TRAPPC5: variants seen among roughly 807,000 people sequenced by gnomAD.
The protein encoded by TRAPPC5 is trafficking protein particle complex 5.
TRAPPC5 carries 5 observed loss-of-function variants against 9.8 expected under a neutral mutation model. The ratio of observed to expected loss-of-function variants is 0.51; its 90% CI spans 0.27 to 1.07. The LOEUF (loss-of-function observed/expected upper bound fraction) is 1.07. TRAPPC5 is among the 50% of genes least tolerant of loss of function. The probability of loss-of-function intolerance (pLI) is 0.12; values close to 1 mark genes in which losing one functional copy is unlikely to be tolerated. For missense variants in TRAPPC5, 243 were observed against 291.5 expected, an observed-to-expected ratio of 0.83 and a Z score of 1.21; for synonymous variants, 146 against 140.7, an observed-to-expected ratio of 1.04 and a Z score of -0.26.
rs910620107 is a variant in TRAPPC5, at chr19:7,687,477, A to G, written c.*4657A>G. On this transcript the variant is annotated 3_prime_UTR_variant, in exon 2 of 2. Transcript: ENST00000596148. ...AAATGGCCTCCGGTTGACCGGGCCCACTCCCCATCAGCCTGTCCAGCCAGC... is the reference window on the plus strand; with the variant it reads ...AAATGGCCTCCGGTTGACCGGGCCCGCTCCCCATCAGCCTGTCCAGCCAGC... 5 of 152,192 alleles carry G rather than the reference A, an allele frequency of 3.3e-5. No individual in the cohort carries two copies. Among genetic ancestry groups the G allele is most frequent in the African/African-American group, 1.2e-4 (5 of 41,306 alleles). The allele number at this position is 152,192 out of a possible 1,614,324, so 9.4% of individuals were successfully genotyped here. A position where few individuals can be genotyped will look rare whatever the true frequency, so the allele number is the denominator to read the frequency against.
rs1291665456 is a variant in TRAPPC5, at chr19:7,682,245, G to A, written c.-9G>A. 7.2e-7 allele frequency: 1 copy of A among 1,390,018 alleles called. No homozygotes were observed. The highest frequency in any genetic ancestry group is 9.3e-7 in the Non-Finnish European group (1 of 1,079,164). 86.1% of individuals were successfully genotyped at this position (1,390,018 alleles called of 1,614,324 possible). Reference sequence around the variant, plus strand: ...GCACTTCCTGGTCTCCCCGCAGGGTGGCGGCGGCATGGAGGCGCGCTTCAC... The same window carrying A: ...GCACTTCCTGGTCTCCCCGCAGGGTAGCGGCGGCATGGAGGCGCGCTTCAC... On this transcript the variant is annotated 5_prime_UTR_variant, in exon 2 of 2. Transcript: ENST00000596148. This position sits in a 1 kb window ranked among gnomAD's most constrained non-coding sequence, Gnocchi z 8.6.
In TRAPPC5 at chr19:7,683,490, G is replaced by A. The variant is rs570192090; in HGVS notation, c.*670G>A. Reference sequence around the variant, plus strand: ...CCACTTCAGCCTCCCAAAGTGCTGGGATTACAGGCGTGAGCCACTGCTGTG... The same window carrying A: ...CCACTTCAGCCTCCCAAAGTGCTGGAATTACAGGCGTGAGCCACTGCTGTG... On this transcript the variant is annotated 3_prime_UTR_variant, in exon 2 of 2. Coordinates refer to ENST00000596148, the MANE Select transcript of TRAPPC5 (RefSeq NM_001042462.2). The A allele has an allele frequency of 2.0e-5, 3 of 152,652 alleles. No individual in the cohort carries two copies. The highest frequency in any genetic ancestry group is 7.2e-5 in the African/African-American group (3 of 41,542). 9.5% of individuals were successfully genotyped at this position (152,652 alleles called of 1,614,324 possible).
In TRAPPC5 at chr19:7,682,591, G is replaced by A. The variant is rs774090407; in HGVS notation, c.338G>A (p.Arg113His). The change falls in exon 2 of 2, where the codon CGC (arginine) becomes CAC (histidine). Residue 113 changes from arginine to histidine, a missense_variant. Physicochemically the swap from Arg to His is conservative, Grantham distance 29. This residue lies in a region of TRAPPC5 where 154 missense variants were observed against 215.8 expected (regional missense o/e 0.71). Transcript: ENST00000596148. The surrounding 1 kb of genome is among the most constrained non-coding windows in gnomAD (Gnocchi z 8.6). ...CTGGAGCAGGCCAACGATGACGCGC[G>A]CACCTTCTACATCATCGAGCGCGAG... ...DKLEQANDDA[R>H]TFYIIEREPL... 4.3e-6 allele frequency: 7 copies of A among 1,612,322 alleles called. No homozygotes were observed. The South Asian group carries it at 5.5e-5, about 13-fold the overall frequency.
rs1426108454 is a variant in TRAPPC5 at position 7,686,006 on chromosome 19, A to AGGTCCTCT, written c.*3188_*3195dup. ...CGCTTTGGGCTAAGCAGCCCCAGGC[A>AGGTCCTCT]GGTCCTCTGAGACCCTGGCGAGAGG... On this transcript the variant is annotated 3_prime_UTR_variant, in exon 2 of 2. Transcript: ENST00000596148. The AGGTCCTCT allele has an allele frequency of 6.6e-6, 1 of 152,324 alleles. No individual in the cohort carries two copies. The highest frequency in any genetic ancestry group is 1.5e-5 in the Non-Finnish European group (1 of 68,148). The allele number at this position is 152,324 out of a possible 1,614,324, so 9.4% of individuals were successfully genotyped here.
rs2146258705 is a variant in TRAPPC5, at chr19:7,682,506, G to A, written c.253G>A (p.Ala85Thr). 2 of 1,613,130 alleles carry A rather than the reference G, an allele frequency of 1.2e-6. No individual in the cohort carries two copies. The highest frequency in any genetic ancestry group is 1.7e-6 in the Non-Finnish European group (2 of 1,179,946). ...GARRETKVLGALLFVKGAVWK... is the reference protein window; with the variant it reads ...GARRETKVLGTLLFVKGAVWK... ...CCGGCGTGAGACCAAGGTGCTAGGC[G>A]CGTTGCTCTTCGTCAAGGGCGCCGT... is the stretch of plus-strand genomic sequence containing the variant. Residue 85 changes from alanine to threonine, a missense_variant, in exon 2 of 2, where the codon GCG (alanine) becomes ACG (threonine). By Grantham distance (58) the Ala-to-Thr change is moderately conservative (BLOSUM62 0). Coordinates refer to ENST00000596148, the MANE Select transcript of TRAPPC5 (RefSeq NM_001042462.2). The surrounding 1 kb of genome is among the most constrained non-coding windows in gnomAD (Gnocchi z 8.6).
Position 7,682,610 on chromosome 19 carries a change from G to C in TRAPPC5, c.357G>C (p.Glu119Asp). Residue 119 changes from glutamate to aspartate, a missense_variant, in exon 2 of 2, where the codon GAG (glutamate) becomes GAC (aspartate). Physicochemically the swap from Glu to Asp is conservative, Grantham distance 45 (BLOSUM62 2). This residue lies in a region of TRAPPC5 where 154 missense variants were observed against 215.8 expected (regional missense o/e 0.71). Transcript: ENST00000596148. The surrounding 1 kb of genome is among the most constrained non-coding windows in gnomAD (Gnocchi z 8.6). ...ACGCGCGCACCTTCTACATCATCGA[G>C]CGCGAGCCGCTCATCAACACCTACA... The part of the protein sequence containing the change: ...NDDARTFYII[E>D]REPLINTYIS... 6.2e-7 allele frequency: 1 copy of C among 1,612,972 alleles called. No homozygotes were observed. The highest frequency in any genetic ancestry group is 1.1e-5 in the South Asian group (1 of 91,092).
In TRAPPC5 at chr19:7,682,486, G is replaced by A; in HGVS notation, c.233G>A (p.Arg78His). 1 of 1,611,992 alleles carries A rather than the reference G, an allele frequency of 6.2e-7. No individual in the cohort carries two copies. The highest frequency in any genetic ancestry group is 8.5e-7 in the Non-Finnish European group (1 of 1,179,302). ...ALVAREKGAR[R>H]ETKVLGALLF... is the part of the protein sequence containing the mutation. ...GTGGCGCGCGAAAAGGGTGCCCGGC[G>A]TGAGACCAAGGTGCTAGGCGCGTTG... Residue 78 changes from arginine (R) to histidine (H), a missense_variant, in exon 2 of 2, where the codon CGT becomes CAT. Transcript: ENST00000596148. This position sits in a 1 kb window ranked among gnomAD's most constrained non-coding sequence, Gnocchi z 8.6.
chr19:7,683,070 C>G lies in TRAPPC5; in HGVS notation c.*250C>G, dbSNP rs970044934. The G allele has an allele frequency of 3.9e-5, 21 of 540,366 alleles. No homozygotes were observed. The highest frequency in any genetic ancestry group is 4.9e-4 in the Middle Eastern group (1 of 2,060). 33.5% of individuals were successfully genotyped at this position (540,366 alleles called of 1,614,324 possible). ...AGTTGGTGGGAAATGCTGGCAGGTTCTGGAATCACGGTTGGAGGCTGTCTG... is the reference window on the plus strand; with the variant it reads ...AGTTGGTGGGAAATGCTGGCAGGTTGTGGAATCACGGTTGGAGGCTGTCTG... On this transcript the variant is annotated 3_prime_UTR_variant, in exon 2 of 2. Transcript: ENST00000596148.
chr19:7,682,460 G>T lies in TRAPPC5; in HGVS notation c.207G>T (p.Leu69=). 2 of 1,609,558 alleles carry T rather than the reference G, an allele frequency of 1.2e-6. No individual in the cohort carries two copies. Among genetic ancestry groups the T allele is most frequent in the Non-Finnish European group, 1.7e-6 (2 of 1,178,146 alleles). Reference sequence around the variant, plus strand: ...TGGGCGCGCGCGTGCTGGATGCGCTGGTGGCGCGCGAAAAGGGTGCCCGGC... The same window carrying T: ...TGGGCGCGCGCGTGCTGGATGCGCTTGTGGCGCGCGAAAAGGGTGCCCGGC... ...RQVGARVLDA[L]VAREKGARRE... is the part of the protein sequence containing the mutation. Residue 69 remains leucine, a synonymous_variant, in exon 2 of 2, where the codon CTG becomes CTT. Transcript: ENST00000596148. This position sits in a 1 kb window ranked among gnomAD's most constrained non-coding sequence, Gnocchi z 8.6.
chr19:7,682,539 G>A lies in TRAPPC5; in HGVS notation c.286G>A (p.Ala96Thr), dbSNP rs1288740261. 3 of 1,612,978 alleles carry A rather than the reference G, an allele frequency of 1.9e-6. No individual in the cohort carries two copies. Among genetic ancestry groups the A allele is most frequent in the Non-Finnish European group, 2.5e-6 (3 of 1,179,976 alleles). The change falls in exon 2 of 2, where the codon GCG becomes ACG. Residue 96 changes from alanine to threonine, a missense_variant. By Grantham distance (58) the Ala-to-Thr change is moderately conservative. Around this residue, in one of 2 missense-constraint regions of TRAPPC5, gnomAD observed 154 missense variants for 215.8 expected, o/e 0.71. Coordinates refer to ENST00000596148, the MANE Select transcript of TRAPPC5 (RefSeq NM_001042462.2). This position sits in a 1 kb window ranked among gnomAD's most constrained non-coding sequence, Gnocchi z 8.6. The stretch of plus-strand genomic sequence containing the variant: ...CTTCGTCAAGGGCGCCGTGTGGAAG[G>A]CGCTCTTCGGCAAGGAGGCGGACAA... ...LLFVKGAVWK[A>T]LFGKEADKLE...
In TRAPPC5 at chr19:7,687,439, A is replaced by G. The variant is rs1357141550; in HGVS notation, c.*4619A>G. Reference sequence around the variant, plus strand: ...CTCCCAGACCCTGAGTAGGGTTAACACCTCCAGACCCGAAATGGCCTCCGG... The same window carrying G: ...CTCCCAGACCCTGAGTAGGGTTAACGCCTCCAGACCCGAAATGGCCTCCGG... On this transcript the variant is annotated 3_prime_UTR_variant, in exon 2 of 2. Coordinates refer to ENST00000596148, the MANE Select transcript of TRAPPC5 (RefSeq NM_001042462.2). 6.6e-6 allele frequency: 1 copy of G among 152,058 alleles called. No homozygotes were observed. Among genetic ancestry groups the G allele is most frequent in the Non-Finnish European group, 1.5e-5 (1 of 68,156 alleles). The allele number at this position is 152,058 out of a possible 1,614,324, so 9.4% of individuals were successfully genotyped here. A position where few individuals can be genotyped will look rare whatever the true frequency, so the allele number is the denominator to read the frequency against.
In TRAPPC5 at chr19:7,686,057, G is replaced by A. The variant is rs12610475; in HGVS notation, c.*3237G>A. ...GGCTTCCAGGGCCGGCCAGGGCAGG[G>A]GCCATTCTTCTGTCCAGAGGCGGGG... On this transcript the variant is annotated 3_prime_UTR_variant, in exon 2 of 2. Transcript: ENST00000596148. 0.22 allele frequency: 33,181 copies of A among 152,236 alleles called. 3,769 individuals are homozygous for A. Among genetic ancestry groups the A allele is most frequent in the Middle Eastern group, 0.28 (82 of 296 alleles). The allele number at this position is 152,236 out of a possible 1,614,324, so 9.4% of individuals were successfully genotyped here. A position where few individuals can be genotyped will look rare whatever the true frequency, so the allele number is the denominator to read the frequency against.
chr19:7,684,855 TAAGTG>T lies in TRAPPC5; in HGVS notation c.*2036_*2040del, dbSNP rs1427666793. ...TTCCCTTGTTAAAAAAATTTTAAAA[TAAGTG>T]GGGTGCAGTGGTGCACACCTGGAGT... is the stretch of plus-strand genomic sequence containing the variant. On this transcript the variant is annotated 3_prime_UTR_variant, in exon 2 of 2. Transcript: ENST00000596148. The T allele has an allele frequency of 6.6e-6, 1 of 151,990 alleles. No individual in the cohort carries two copies. Among genetic ancestry groups the T allele is most frequent in the Non-Finnish European group, 1.5e-5 (1 of 67,994 alleles). 9.4% of individuals were successfully genotyped at this position (151,990 alleles called of 1,614,324 possible). A position where few individuals can be genotyped will look rare whatever the true frequency, so the allele number is the denominator to read the frequency against.
In TRAPPC5 at chr19:7,682,559, G is replaced by A. The variant is rs1053363; in HGVS notation, c.306G>A (p.Ala102=). 281,143 of 1,612,408 alleles carry A rather than the reference G, an allele frequency of 0.17. 27,444 individuals are homozygous for A. Among genetic ancestry groups the A allele is most frequent in the African/African-American group, 0.4 (30,278 of 75,006 alleles). Residue 102 remains alanine (A), a synonymous_variant, in exon 2 of 2, where the codon GCG becomes GCA. Coordinates refer to ENST00000596148, the MANE Select transcript of TRAPPC5 (RefSeq NM_001042462.2). This position sits in a 1 kb window ranked among gnomAD's most constrained non-coding sequence, Gnocchi z 8.6. ...AVWKALFGKE[A]DKLEQANDDA... ...GGAAGGCGCTCTTCGGCAAGGAGGC[G>A]GACAAGCTGGAGCAGGCCAACGATG...
rs930918320 is a variant in TRAPPC5 at position 7,681,845 on chromosome 19, C to T, written c.-12-397C>T. 3.9e-5 allele frequency among the ~76,000 whole-genome samples: 6 copies of T among 152,134 alleles called. No homozygotes were observed. The highest frequency in any genetic ancestry group is 7.3e-5 in the Non-Finnish European group (5 of 68,028). ...ACCTCCCTGCCCTAGATCTGACGCC[C>T]CTCCCCCCATACACTAGTTTTCTAG... On this transcript the variant is annotated intron_variant, in intron 1 of 1. Transcript: ENST00000596148. This position sits in a 1 kb window ranked among gnomAD's most constrained non-coding sequence, Gnocchi z 8.7.
rs1329179641 is a variant in TRAPPC5 at position 7,681,669 on chromosome 19, A to T, written c.-12-573A>T. On this transcript the variant is annotated intron_variant, in intron 1 of 1. Coordinates refer to ENST00000596148, the MANE Select transcript of TRAPPC5 (RefSeq NM_001042462.2). The surrounding 1 kb of genome is among the most constrained non-coding windows in gnomAD (Gnocchi z 8.7). ...CCAACCCTCCTGGCTTTTGGTCTTG[A>T]CACGCTCCTACCCCACTCCCACCCT... Among the ~76,000 whole-genome samples, 2 of 150,920 alleles carry T rather than the reference A, an allele frequency of 1.3e-5. No homozygotes were observed. The highest frequency in any genetic ancestry group is 3.0e-5 in the Non-Finnish European group (2 of 67,700).
chr19:7,682,741 A>C lies in TRAPPC5; in HGVS notation c.488A>C (p.His163Pro). 1 of 1,612,394 alleles carries C rather than the reference A, an allele frequency of 6.2e-7. No homozygotes were observed. ...HSGFPAKVTA[H>P]WHKGTTLMIK... Reference sequence around the variant, plus strand: ...GGCTTCCCTGCCAAGGTCACGGCGCACTGGCACAAGGGCACCACGCTCATG... The same window carrying C: ...GGCTTCCCTGCCAAGGTCACGGCGCCCTGGCACAAGGGCACCACGCTCATG... The change falls in exon 2 of 2, where the codon CAC becomes CCC. Residue 163 changes from histidine to proline, a missense_variant. His to Pro is a moderately conservative substitution (Grantham distance 77). Around this residue, in one of 2 missense-constraint regions of TRAPPC5, gnomAD observed 154 missense variants for 215.8 expected, o/e 0.71. Coordinates refer to ENST00000596148, the MANE Select transcript of TRAPPC5 (RefSeq NM_001042462.2). This position sits in a 1 kb window ranked among gnomAD's most constrained non-coding sequence, Gnocchi z 8.6.
chr19:7,682,327 G>C lies in TRAPPC5; in HGVS notation c.74G>C (p.Ser25Thr). The change falls in exon 2 of 2, where the codon AGC becomes ACC. Residue 25 changes from serine to threonine, a missense_variant. Physicochemically the swap from Ser to Thr is moderately conservative, Grantham distance 58 (BLOSUM62 1). Transcript: ENST00000596148. This position sits in a 1 kb window ranked among gnomAD's most constrained non-coding sequence, Gnocchi z 8.6. ...RALARPRTEV[S>T]LSAFALLFSE... is the part of the protein sequence containing the mutation. ...CTGGCGCGGCCGCGCACCGAGGTGA[G>C]CCTGAGCGCCTTCGCACTGCTGTTC... 6.5e-7 allele frequency: 1 copy of C among 1,540,270 alleles called. No homozygotes were observed. Among genetic ancestry groups the C allele is most frequent in the Non-Finnish European group, 8.7e-7 (1 of 1,147,442 alleles).
chr19:7,682,700 G>A lies in TRAPPC5; in HGVS notation c.447G>A (p.Ala149=), dbSNP rs756532857. 4 of 1,613,100 alleles carry A rather than the reference G, an allele frequency of 2.5e-6. No homozygotes were observed. The highest frequency in any genetic ancestry group is 2.2e-5 in the East Asian group (1 of 44,834). The change falls in exon 2 of 2, where the codon GCG becomes GCA. Residue 149 remains alanine (A), a synonymous_variant. Transcript: ENST00000596148. This position sits in a 1 kb window ranked among gnomAD's most constrained non-coding sequence, Gnocchi z 8.6. ...GCTTCACGGCGGGCATCGTGGAGGC[G>A]GTGCTCACACACAGCGGCTTCCCTG... ...CASFTAGIVE[A]VLTHSGFPAK...
Sources: gnomAD v4.1 joint callset for allele counts (sites outside exome capture counted in the v4.1 genomes callset) on GRCh38, gnomAD v4.1.1 for gene constraint, gnomAD v4.1.1 regional missense constraint, Gnocchi (gnomAD v3.1) non-coding constraint, MANE v1.5 for transcripts, NCBI Gene and HGNC (gene_info 2026-07-23, HGNC 2026-07-21) for gene names.